The following CMIP variants were observed in gnomAD, a reference collection of about 807,000 sequenced individuals.
CMIP encodes the protein c-Maf inducing protein.
In CMIP, 13 loss-of-function variants were observed where a neutral mutation model predicts 97.3. That is an observed-to-expected ratio of 0.13 (90% CI 0.09 to 0.21). CMIP has a LOEUF of 0.21. Ranked by LOEUF, CMIP falls within the 10% of genes least tolerant of loss-of-function variation. The pLI, the probability that CMIP is intolerant of heterozygous loss-of-function variation, is 1.00. For synonymous variants in CMIP, 538 were observed against 436.3 expected (o/e 1.23, Z -2.91); for missense variants, 847 against 1,024.9 (o/e 0.83, Z 2.37).
intron 18 of CMIP, among the ~76,000 whole-genome samples, chr16:81,704,855 C>T (rs1308790581): frequency 6.6e-6 from 1 of 150,798 alleles, no homozygotes; most frequent in East Asian, 2.0e-4. Flanking sequence ...CCCTGCAGCC[C>T]ATTTCCCATT....
chr16:81,559,502 T>A (rs529664431), intron 1 of CMIP, among the ~76,000 whole-genome samples: 1 of 152,340 alleles, frequency 6.6e-6, no homozygotes, highest in South Asian at 2.1e-4. Context: ...ATAACAGCCA[T>A]GCACTGCATA....
intron 1 of CMIP, among the ~76,000 whole-genome samples, chr16:81,585,540 A>G (rs2091367582): frequency 6.6e-6 from 1 of 152,150 alleles, no homozygotes; most frequent in Non-Finnish European, 1.5e-5. Context: ...CCTATTCTGG[A>G]CATTTCATAT....
At chr16:81,629,019 C>G (rs914611691) in intron 3 of CMIP, among the ~76,000 whole-genome samples, 6 of 151,330 alleles carry the variant, frequency 4.0e-5, no homozygotes, top group African/African-American at 1.5e-4. Context: ...GCCTATAGTC[C>G]CAGCTACTCA....
At chr16:81,641,416 C>A (rs528079135) in intron 3 of CMIP, among the ~76,000 whole-genome samples, 27 of 152,176 alleles carry the variant, frequency 1.8e-4, no homozygotes, top group African/African-American at 5.1e-4. Flanking sequence ...CAGCTACATA[C>A]AATTTTTTTT....
At chr16:81,639,456 T>A (rs61175824) in intron 3 of CMIP, among the ~76,000 whole-genome samples, 7,943 of 152,260 alleles carry the variant, frequency 0.052, 630 homozygotes, top group African/African-American at 0.17. Context: ...TTTCGGTCTC[T>A]AAGAATTTGT....
chr16:81,538,320 G>T (rs1434198076), intron 1 of CMIP, among the ~76,000 whole-genome samples: 9 of 152,236 alleles, frequency 5.9e-5, no homozygotes, highest in Non-Finnish European at 1.0e-4. Flanking sequence ...GGTGGCTCCT[G>T]CCTGCAGTGG....
At chr16:81,504,400 T>C (rs1344000563) in intron 1 of CMIP, among the ~76,000 whole-genome samples, 3 of 151,074 alleles carry the variant, frequency 2.0e-5, no homozygotes, top group Non-Finnish European at 4.4e-5. Context: ...CTTAGCACTT[T>C]GGGAGGCCAA....
intron 1 of CMIP, chr16:81,476,209 C>T: frequency 1.5e-6 from 2 of 1,353,090 alleles, no homozygotes; most frequent in South Asian, 1.2e-5. Context: ...TGTGTTGGGT[C>T]CAGCATTTGC....
intron 1 of CMIP, among the ~76,000 whole-genome samples, chr16:81,603,040 G>C (rs1342012703): frequency 2.0e-5 from 3 of 152,124 alleles, no homozygotes; most frequent in African/African-American, 7.2e-5. Context: ...CCGTGTTCCT[G>C]CCCAGTGATA....
chr16:81,449,676 C>A (rs1010711681), intron 1 of CMIP, among the ~76,000 whole-genome samples: 1 of 151,798 alleles, frequency 6.6e-6, no homozygotes, highest in Non-Finnish European at 1.5e-5. Flanking sequence ...ATTTCCCCCC[C>A]CCCCTTTCCA....
chr16:81,576,936 T>G (rs374441576), intron 1 of CMIP, among the ~76,000 whole-genome samples: 2 of 152,038 alleles, frequency 1.3e-5, no homozygotes, highest in East Asian at 1.9e-4. Context: ...ACCACCACAA[T>G]CAACAGCAGC....
At chr16:81,537,466 C>T (rs2090364229) in intron 1 of CMIP, among the ~76,000 whole-genome samples, 1 of 141,316 alleles carries the variant, frequency 7.1e-6, no homozygotes, top group African/African-American at 2.7e-5. Context: ...ACCTGGGAGG[C>T]AGAGGTCGCT....
intron 1 of CMIP, chr16:81,495,465 G>T: frequency 6.2e-7 from 1 of 1,612,900 alleles, no homozygotes; most frequent in Non-Finnish European, 8.5e-7. Flanking sequence ...CCGCCCTGGC[G>T]TCCGGGGAAG....
At chr16:81,462,186 T>G (rs1906937002) in intron 1 of CMIP, among the ~76,000 whole-genome samples, 1 of 152,244 alleles carries the variant, frequency 6.6e-6, no homozygotes, top group African/African-American at 2.4e-5. Flanking sequence ...CAGTGAGTCC[T>G]TTGTCACAGT....
chr16:81,704,040 C>T lies in CMIP; in HGVS notation c.2046C>T (p.Leu682=), dbSNP rs746409491. Residue 682 remains leucine, a synonymous_variant, in exon 18 of 21, where the codon CTC becomes CTT. Coordinates refer to ENST00000537098, the MANE Select transcript of CMIP (RefSeq NM_198390.3). ...TNVTSACAEH[L]IKLPSLKQLN... ...TAACCAGTGCCTGCGCCGAGCACCT[C>T]ATCAAACTGCCTTCGCTCAAGCAGC... 1.2e-6 allele frequency: 2 copies of T among 1,605,990 alleles called. No individual in the cohort carries two copies. Among genetic ancestry groups the T allele is most frequent in the South Asian group, 1.1e-5 (1 of 89,672 alleles).
At chr16:81,633,655 G>T (rs571532572) in intron 3 of CMIP, among the ~76,000 whole-genome samples, 31 of 152,326 alleles carry the variant, frequency 2.0e-4, no homozygotes, top group South Asian at 1.4e-3. Context: ...AGAAAGCCTT[G>T]AGAGGGACAG....
At chr16:81,708,732 G>A (rs878879449) in intron 20 of CMIP, among the ~76,000 whole-genome samples, 1 of 152,184 alleles carries the variant, frequency 6.6e-6, no homozygotes, top group African/African-American at 2.4e-5. Context: ...ATCTAGATTC[G>A]TCTGTGAAGT....
At chr16:81,588,939 G>T (rs753617589) in intron 1 of CMIP, among the ~76,000 whole-genome samples, 2 of 152,146 alleles carry the variant, frequency 1.3e-5, no homozygotes, top group Non-Finnish European at 2.9e-5. Flanking sequence ...GAGTCTCACA[G>T]CCTGTAAGAG....
intron 19 of CMIP, 21 bp downstream of exon 19, chr16:81,705,625 T>TG: frequency 6.5e-7 from 1 of 1,529,578 alleles, no homozygotes; most frequent in Non-Finnish European, 8.9e-7. Context: ...CCGGGGCAGC[T>TG]GGGGGGTGAG....
Sources: gnomAD v4.1 joint callset for allele counts (sites outside exome capture counted in the v4.1 genomes callset) on GRCh38, gnomAD v4.1.1 for gene constraint, MANE v1.5 for transcripts, NCBI Gene and HGNC (gene_info 2026-07-23, HGNC 2026-07-21) for gene names.